HSPA13: variants seen among roughly 807,000 people sequenced by gnomAD.
HSPA13 encodes the protein heat shock 70 kDa protein 13.
Under a neutral mutation model 38.8 loss-of-function variants are expected in HSPA13, and 29 were observed. The ratio of observed to expected loss-of-function variants is 0.75; its 90% CI spans 0.56 to 1.02. The LOEUF (loss-of-function observed/expected upper bound fraction) is 1.02, where lower values mean the gene tolerates loss of function less well. Ranked by LOEUF, HSPA13 falls within the 50% of genes least tolerant of loss-of-function variation. HSPA13 has a pLI of 0.00. For missense variants in HSPA13, 451 were observed against 560.9 expected (o/e 0.80, Z 1.98); for synonymous variants, 192 against 205.3 (o/e 0.94, Z 0.56).
intron 3 of HSPA13, among the ~76,000 whole-genome samples, chr21:14,377,928 A>AC (rs1344664870): frequency 1.3e-5 from 2 of 152,266 alleles, no homozygotes; most frequent in Non-Finnish European, 2.9e-5. Flanking sequence ...TTTGGGACTC[A>AC]GACTGGCTTC....
In HSPA13 at chr21:14,383,128, C is replaced by G. The variant is rs1164763927; in HGVS notation, c.-9G>C. 4 of 1,614,116 alleles carry G rather than the reference C, an allele frequency of 2.5e-6. No homozygotes were observed. Among genetic ancestry groups the G allele is most frequent in the Non-Finnish European group, 2.5e-6 (3 of 1,179,994 alleles). The stretch of plus-strand genomic sequence containing the variant: ...GTCATCTCTCTGGCCATCACAGTCC[C>G]GCCGAACAGGCTTGTGATGACTGTA... On this transcript the variant is annotated 5_prime_UTR_variant, in exon 1 of 5. Coordinates refer to ENST00000285667, the MANE Select transcript of HSPA13 (RefSeq NM_006948.5).
Position 14,373,230 on chromosome 21 carries a change from C to T in HSPA13, c.*387G>A, listed in dbSNP as rs1408793958. 5.9e-6 allele frequency: 1 copy of T among 170,174 alleles called. No individual in the cohort carries two copies. Among genetic ancestry groups the T allele is most frequent in the African/African-American group, 2.4e-5 (1 of 41,826 alleles). The allele number at this position is 170,174 out of a possible 1,614,324, so 10.5% of individuals were successfully genotyped here. On this transcript the variant is annotated 3_prime_UTR_variant, in exon 5 of 5. Transcript: ENST00000285667. Reference sequence around the variant, plus strand: ...TTACATGTGATAATACAAGTAATTACCAGCTCCTGCTAATACAATTTAGTA... The same window carrying T: ...TTACATGTGATAATACAAGTAATTATCAGCTCCTGCTAATACAATTTAGTA...
Position 14,381,339 on chromosome 21 carries a change from T to C in HSPA13, c.230A>G (p.Asp77Gly), listed in dbSNP as rs1984162870. 3 of 1,614,052 alleles carry C rather than the reference T, an allele frequency of 1.9e-6. No homozygotes were observed. Among genetic ancestry groups the C allele is most frequent in the African/African-American group, 1.3e-5 (1 of 74,918 alleles). The change falls in exon 2 of 5, where the codon GAT becomes GGT. Residue 77 changes from aspartate to glycine, a missense_variant. By Grantham distance (94) the Asp-to-Gly change is moderately conservative. Transcript: ENST00000285667. The stretch of plus-strand genomic sequence containing the variant: ...TACGCTTTCATATCCCACATATACA[T>C]CATTGTCAGTAAAAGACACCATGCT... ...IPSMVSFTDN[D>G]VYVGYESVEL...
rs1259743453 is a variant in HSPA13 at position 14,374,048 on chromosome 21, G to C, written c.985C>G (p.Pro329Ala). The change falls in exon 5 of 5, where the codon CCA becomes GCA. Residue 329 changes from proline (P) to alanine (A), a missense_variant. Coordinates refer to ENST00000285667, the MANE Select transcript of HSPA13 (RefSeq NM_006948.5). ...KEPHSSDTEL[P>A]KDKLSSADDH... The stretch of plus-strand genomic sequence containing the variant: ...TCTGCTGAGGAAAGTTTGTCTTTTG[G>C]CAGTTCAGTGTCACTACTGTGAGGT... The C allele has an allele frequency of 6.2e-7, 1 of 1,614,036 alleles. No homozygotes were observed. The highest frequency in any genetic ancestry group is 8.5e-7 in the Non-Finnish European group (1 of 1,180,018).
Position 14,373,887 on chromosome 21 carries a change from C to A in HSPA13, c.1146G>T (p.Leu382=). The part of the protein sequence containing the change: ...TLNEDLFQKI[L]VPIQQVLKEG... Reference sequence around the variant, plus strand: ...CTTTCAATACTTGCTGAATGGGTACCAGTATTTTCTGAAAGAGGTCTTCAT... The same window carrying A: ...CTTTCAATACTTGCTGAATGGGTACAAGTATTTTCTGAAAGAGGTCTTCAT... Residue 382 remains leucine, a synonymous_variant, in exon 5 of 5, where the codon CTG becomes CTT. Coordinates refer to ENST00000285667, the MANE Select transcript of HSPA13 (RefSeq NM_006948.5). The A allele has an allele frequency of 6.2e-7, 1 of 1,614,144 alleles. No homozygotes were observed. Among genetic ancestry groups the A allele is most frequent in the Non-Finnish European group, 8.5e-7 (1 of 1,180,022 alleles).
chr21:14,381,115 A>G, intron 2 of HSPA13, 88 bp downstream of exon 2: 2 of 988,046 alleles, frequency 2.0e-6, no homozygotes, highest in Non-Finnish European at 3.0e-6. Context: ...ATAAAACTAG[A>G]CGAGATAGAA....
intron 2 of HSPA13, among the ~76,000 whole-genome samples, chr21:14,379,384 C>G (rs1044335434): frequency 6.6e-6 from 1 of 152,080 alleles, no homozygotes; most frequent in African/African-American, 2.4e-5. Context: ...TCACTTCAGG[C>G]CTCATAGTTA....
chr21:14,382,593 A>G (rs912816433), intron 1 of HSPA13, among the ~76,000 whole-genome samples: 1 of 152,156 alleles, frequency 6.6e-6, no homozygotes, highest in Non-Finnish European at 1.5e-5. Context: ...AACATTTCAG[A>G]AGCATTTCAT....
At position 14,375,836 on chromosome 21, in the gene HSPA13, G is replaced by T; in HGVS notation, c.581-17C>A. 1 of 1,607,544 alleles carries T rather than the reference G, an allele frequency of 6.2e-7. No individual in the cohort carries two copies. Among genetic ancestry groups the T allele is most frequent in the South Asian group, 1.1e-5 (1 of 90,572 alleles). ...TCTTCAGTCCTGTAAGATTGGTTAAGGGAAGAAAAATTCATGAGAGGATGC... is the reference window on the plus strand; with the variant it reads ...TCTTCAGTCCTGTAAGATTGGTTAATGGAAGAAAAATTCATGAGAGGATGC... On this transcript the variant is annotated splice_polypyrimidine_tract_variant and intron_variant, in intron 3 of 4. Transcript: ENST00000285667.
chr21:14,376,344 C>T (rs902603827), intron 3 of HSPA13, among the ~76,000 whole-genome samples: 3 of 151,996 alleles, frequency 2.0e-5, no homozygotes, highest in Admixed American at 6.6e-5. Context: ...ACCCGGGAGG[C>T]GGAGCTTGCA....
At chr21:14,382,944 A>G in intron 1 of HSPA13, 151 bp downstream of exon 1, 1 of 965,444 alleles carries the variant, frequency 1.0e-6, no homozygotes, top group East Asian at 2.4e-5. Flanking sequence ...ATCCACTCCG[A>G]ACAGCCGAAA....
chr21:14,375,934 T>C, intron 3 of HSPA13, 115 bp from the exon 4 acceptor site: 1 of 749,498 alleles, frequency 1.3e-6, no homozygotes, highest in Non-Finnish European at 2.2e-6. Flanking sequence ...TGAGTAATAA[T>C]GAGAGCAGTC....
intron 3 of HSPA13, among the ~76,000 whole-genome samples, 182 bp downstream of exon 3, chr21:14,378,017 C>T (rs568543083): frequency 9.6e-4 from 146 of 152,322 alleles, no homozygotes; most frequent in African/African-American, 3.4e-3. Flanking sequence ...TAATAAAATC[C>T]CTTTCATATA....
chr21:14,378,606 G>T (rs1984089302), intron 2 of HSPA13, among the ~76,000 whole-genome samples, 194 bp from the exon 3 acceptor site: 1 of 150,590 alleles, frequency 6.6e-6, no homozygotes, highest in African/African-American at 2.5e-5. Context: ...TCTGTACAAT[G>T]AATCCATATT....
chr21:14,378,357 G>C lies in HSPA13; in HGVS notation c.422C>G (p.Thr141Arg). The C allele has an allele frequency of 6.2e-7, 1 of 1,614,082 alleles. No homozygotes were observed. The highest frequency in any genetic ancestry group is 1.1e-5 in the South Asian group (1 of 91,084). ...EFSVTSNETI[T>R]VSPEYVGSRL... ...AGAGCCAACATATTCTGGGGACACT[G>C]TGATGGTCTCATTACTTGTCACAGA... The change falls in exon 3 of 5, where the codon ACA (threonine) becomes AGA (arginine). Residue 141 changes from threonine to arginine, a missense_variant. By Grantham distance (71) the Thr-to-Arg change is moderately conservative. Coordinates refer to ENST00000285667, the MANE Select transcript of HSPA13 (RefSeq NM_006948.5).
rs1321061554 is a variant in HSPA13 at position 14,373,382 on chromosome 21, C to T, written c.*235G>A. ...ATACTCTTTTAAGAGAGTTGTACCT[C>T]AATTTTATCATTTTAGAGTATTTGT... On this transcript the variant is annotated 3_prime_UTR_variant, in exon 5 of 5. Coordinates refer to ENST00000285667, the MANE Select transcript of HSPA13 (RefSeq NM_006948.5). The T allele has an allele frequency of 2.1e-6, 1 of 470,250 alleles. No homozygotes were observed. Among genetic ancestry groups the T allele is most frequent in the Admixed American group, 3.6e-5 (1 of 28,154 alleles). 29.1% of individuals were successfully genotyped at this position (470,250 alleles called of 1,614,324 possible). A position where few individuals can be genotyped will look rare whatever the true frequency, so the allele number is the denominator to read the frequency against.
At chr21:14,382,987 C>T in intron 1 of HSPA13, 108 bp downstream of exon 1, 1 of 1,325,988 alleles carries the variant, frequency 7.5e-7, no homozygotes, top group Non-Finnish European at 1.1e-6. Flanking sequence ...GACTCCCCTT[C>T]CGCTGCTCCA....
intron 1 of HSPA13, among the ~76,000 whole-genome samples, 153 bp downstream of exon 1, chr21:14,382,942 C>T (rs935142028): frequency 2.0e-5 from 3 of 152,076 alleles, no homozygotes; most frequent in African/African-American, 7.2e-5. Context: ...CCATCCACTC[C>T]GAACAGCCGA....
At chr21:14,382,194 G>A (rs575006775) in intron 1 of HSPA13, among the ~76,000 whole-genome samples, 1 of 152,228 alleles carries the variant, frequency 6.6e-6, no homozygotes, top group East Asian at 1.9e-4. Context: ...GTAATATTTA[G>A]GGGAGAAGAA....
Sources: gnomAD v4.1 joint callset for allele counts (sites outside exome capture counted in the v4.1 genomes callset) on GRCh38, gnomAD v4.1.1 for gene constraint, MANE v1.5 for transcripts, NCBI Gene and HGNC (gene_info 2026-07-23, HGNC 2026-07-21) for gene names.